The following GARNL3 variants were observed in gnomAD, a reference collection of about 807,000 sequenced individuals.
The protein encoded by GARNL3 is GTPase-activating Rap/Ran-GAP domain-like protein 3.
In GARNL3, 63 loss-of-function variants were observed where a neutral mutation model predicts 125.0. The observed-to-expected ratio is 0.50, with a 90% confidence interval of 0.41 to 0.62. GARNL3 has a LOEUF of 0.62. Ranked by LOEUF, GARNL3 falls within the 20% of genes least tolerant of loss-of-function variation. The pLI is 0.00. For synonymous variants in GARNL3, 439 were observed against 457.5 expected (o/e 0.96, Z 0.52); for missense variants, 994 against 1,244.0 (o/e 0.80, Z 3.02).
intron 2 of GARNL3, among the ~76,000 whole-genome samples, chr9:127,245,657 A>G (rs2063288616): frequency 6.6e-6 from 1 of 151,430 alleles, no homozygotes; most frequent in South Asian, 2.1e-4. Context: ...CTATTCATTA[A>G]CTCCTTCACT....
At chr9:127,271,711 T>A (rs917363589) in intron 1 of GARNL3, among the ~76,000 whole-genome samples, 3 of 150,222 alleles carry the variant, frequency 2.0e-5, no homozygotes, top group Non-Finnish European at 2.9e-5. Flanking sequence ...TGATACAGTA[T>A]CAGTGATAAA....
chr9:127,374,909 C>CAAAAAA (rs772141471), intron 22 of GARNL3, among the ~76,000 whole-genome samples: 2 of 63,226 alleles, frequency 3.2e-5, no homozygotes, highest in African/African-American at 1.0e-4. Flanking sequence ...TCCATCTCTA[C>CAAAAAA]AAAAAAAAAA....
At chr9:127,238,565 T>C (rs1470602115) in intron 1 of GARNL3, among the ~76,000 whole-genome samples, 1 of 152,178 alleles carries the variant, frequency 6.6e-6, no homozygotes. Context: ...ACACTTTCCA[T>C]AGGAGAACTG....
intron 9 of GARNL3, among the ~76,000 whole-genome samples, 187 bp from the exon 10 acceptor site, chr9:127,335,043 A>T (rs1475951299): frequency 2.6e-5 from 4 of 152,204 alleles, no homozygotes; most frequent in Admixed American, 6.5e-5. Context: ...GAGCTTAGGG[A>T]GAGAGGAAGA....
At chr9:127,262,025 C>T (rs1231794773), upstream of GARNL3, among the ~76,000 whole-genome samples, 1 of 152,186 alleles carries the variant, frequency 6.6e-6, no homozygotes, top group Non-Finnish European at 1.5e-5. Flanking sequence ...GGTCCACCTT[C>T]TGAATGACTG....
intron 1 of GARNL3, among the ~76,000 whole-genome samples, chr9:127,231,051 T>TATGTATA (rs756942109): frequency 1.7e-5 from 1 of 58,084 alleles, no homozygotes; most frequent in Admixed American, 2.5e-4. Flanking sequence ...TATATATATA[T>TATGTATA]TTTTTTTTTT....
chr9:127,290,752 T>A (rs1407701099), intron 1 of GARNL3, among the ~76,000 whole-genome samples: 1 of 152,206 alleles, frequency 6.6e-6, no homozygotes, highest in Non-Finnish European at 1.5e-5. Flanking sequence ...TCTCCGATGG[T>A]AGTAGAGCCT....
intron 1 of GARNL3, among the ~76,000 whole-genome samples, chr9:127,227,457 C>T (rs1012422250): frequency 7.2e-5 from 11 of 151,978 alleles, no homozygotes; most frequent in African/African-American, 2.4e-4. Context: ...AAAAATTAGC[C>T]GGTTGTGGTG....
chr9:127,333,997 A>G (rs1177377548), intron 9 of GARNL3, among the ~76,000 whole-genome samples: 3 of 152,166 alleles, frequency 2.0e-5, no homozygotes, highest in Admixed American at 1.3e-4. Context: ...GGAGAGGGCC[A>G]TAGGTCAGAA....
Position 127,264,977 on chromosome 9 carries a change from A to G in GARNL3, c.100A>G (p.Arg34Gly). 6.2e-7 allele frequency: 1 copy of G among 1,613,322 alleles called. No homozygotes were observed. Among genetic ancestry groups the G allele is most frequent in the Non-Finnish European group, 8.5e-7 (1 of 1,179,564 alleles). Residue 34 changes from arginine (R) to glycine (G), a missense_variant, in exon 1 of 28, where the codon AGA (arginine) becomes GGA (glycine). This residue lies in a region of GARNL3 where 139 missense variants were observed against 231.6 expected (regional missense o/e 0.60). Transcript: ENST00000373387. ...CTCTGTCTCGGAAGACCTAGGCTGT[A>G]GACGTGGGGATTTCAGTAGGAAACA... ...SSSVSEDLGC[R>G]RGDFSRKHYG...
chr9:127,324,530 C>G (rs532719437), intron 6 of GARNL3, among the ~76,000 whole-genome samples: 1 of 152,332 alleles, frequency 6.6e-6, no homozygotes, highest in South Asian at 2.1e-4. Flanking sequence ...GCCACAGGGT[C>G]CCTGTCAGAG....
chr9:127,296,445 T>C (rs1232060949), intron 2 of GARNL3, among the ~76,000 whole-genome samples: 3 of 151,144 alleles, frequency 2.0e-5, no homozygotes, highest in Non-Finnish European at 1.5e-5. Context: ...TATATAGAGG[T>C]TTCATCAGGT....
At chr9:127,390,543 A>G in intron 26 of GARNL3, 98 bp from the exon 27 acceptor site, 1 of 1,057,850 alleles carries the variant, frequency 9.5e-7, no homozygotes, top group East Asian at 2.4e-5. Flanking sequence ...CTCTAGCACA[A>G]CAATGCACCA....
Position 127,353,964 on chromosome 9 carries a change from G to A in GARNL3, c.1642+20G>A, listed in dbSNP as rs777208733. ...ACAAAGGTGGTATTCCCTGCCGGGT[G>A]GCATGCTGTGGAGGAAGGAAAACAG... On this transcript the variant is annotated intron_variant, in intron 18 of 27. Coordinates refer to ENST00000373387, the MANE Select transcript of GARNL3 (RefSeq NM_032293.5). The A allele has an allele frequency of 6.5e-7, 1 of 1,528,934 alleles. No homozygotes were observed. Among genetic ancestry groups the A allele is most frequent in the South Asian group, 1.1e-5 (1 of 89,194 alleles). 94.7% of individuals were successfully genotyped at this position (1,528,934 alleles called of 1,614,324 possible).
At chr9:127,336,753 A>G (rs955745819) in intron 11 of GARNL3, among the ~76,000 whole-genome samples, 3 of 152,198 alleles carry the variant, frequency 2.0e-5, no homozygotes, top group Non-Finnish European at 2.9e-5. Flanking sequence ...AAGTCCAGCA[A>G]TGGGGCTGAA....
intron 1 of GARNL3, among the ~76,000 whole-genome samples, chr9:127,285,503 A>T (rs1321700009): frequency 2.0e-5 from 3 of 152,216 alleles, no homozygotes; most frequent in East Asian, 1.9e-4. Context: ...ACCTTGATAC[A>T]GTCCATATAT....
chr9:127,277,629 A>G (rs1039495772), intron 1 of GARNL3, among the ~76,000 whole-genome samples: 2 of 151,952 alleles, frequency 1.3e-5, no homozygotes, highest in Non-Finnish European at 2.9e-5. Flanking sequence ...GGCTTTCTGC[A>G]GTCTTGCTCC....
chr9:127,381,358 A>G (rs1303585894), intron 22 of GARNL3, among the ~76,000 whole-genome samples: 2 of 152,064 alleles, frequency 1.3e-5, no homozygotes, highest in Non-Finnish European at 2.9e-5. Flanking sequence ...GTTGCTAATT[A>G]TATCATTTTT....
At chr9:127,271,381 C>T (rs1319520367) in intron 1 of GARNL3, among the ~76,000 whole-genome samples, 1 of 150,258 alleles carries the variant, frequency 6.7e-6, no homozygotes, top group East Asian at 1.9e-4. Flanking sequence ...AATGAATGAT[C>T]CCATTTGGTT....
Sources: gnomAD v4.1 joint callset for allele counts (sites outside exome capture counted in the v4.1 genomes callset) on GRCh38, gnomAD v4.1.1 for gene constraint, gnomAD v4.1.1 regional missense constraint, MANE v1.5 for transcripts, NCBI Gene and HGNC (gene_info 2026-07-23, HGNC 2026-07-21) for gene names.